RCC1: variants seen among roughly 807,000 people sequenced by gnomAD.
The protein encoded by RCC1 is regulator of chromosome condensation 1.
Under a neutral mutation model 44.4 loss-of-function variants are expected in RCC1, and 11 were observed. The ratio of observed to expected loss-of-function variants is 0.25; its 90% confidence interval spans 0.16 to 0.41. RCC1 has a LOEUF of 0.41. RCC1 is among the 10% of genes least tolerant of loss of function. RCC1 has a pLI of 1.00. For synonymous variants in RCC1, 213 were observed against 216.5 expected, an observed-to-expected ratio of 0.98 and a Z score of 0.14; for missense variants, 386 against 547.1, an observed-to-expected ratio of 0.71 and a Z score of 2.94.
chr1:28,507,953 C>A, intron 1 of RCC1, 175 bp from the exon 2 acceptor site: 1 of 296,816 alleles, frequency 3.4e-6, no homozygotes, highest in East Asian at 9.0e-5. Flanking sequence ...TAAAAAGTAG[C>A]CAGGCATGAT....
chr1:28,520,676 T>A (rs1663212076), intron 4 of RCC1, among the ~76,000 whole-genome samples: 2 of 152,160 alleles, frequency 1.3e-5, no homozygotes, highest in Non-Finnish European at 2.9e-5. Flanking sequence ...CCAGAGACTG[T>A]ATGCTCCTTG....
At chr1:28,533,705 G>A (rs1419571633) in intron 7 of RCC1, among the ~76,000 whole-genome samples, 3 of 139,226 alleles carry the variant, frequency 2.2e-5, no homozygotes, top group Non-Finnish European at 3.1e-5. Context: ...GGGAGGCGGA[G>A]GTTGCAGTGA....
Position 28,508,628 on chromosome 1 carries a change from C to G in RCC1, c.-228-202C>G, listed in dbSNP as rs1476112513. 1.2e-5 allele frequency: 6 copies of G among 518,902 alleles called. No individual in the cohort carries two copies. In the Admixed American group the frequency reaches 1.2e-4, roughly 10 times the overall value. 32.1% of individuals were successfully genotyped at this position (518,902 alleles called of 1,614,324 possible). A position where few individuals can be genotyped will look rare whatever the true frequency, so the allele number is the denominator to read the frequency against. On this transcript the variant is annotated intron_variant, in intron 2 of 12. Coordinates refer to ENST00000683442, the MANE Select transcript of RCC1 (RefSeq NM_001381865.2). ...AAGTGGCATAGGGGAGCTTAGGGCTCTGCCCCATGATGTACAGTCCCTTTC... is the reference window on the plus strand; with the variant it reads ...AAGTGGCATAGGGGAGCTTAGGGCTGTGCCCCATGATGTACAGTCCCTTTC...
chr1:28,516,687 CAATAAT>C (rs148725775), intron 3 of RCC1, 32 bp from the exon 4 acceptor site: 3 of 322,312 alleles, frequency 9.3e-6, no homozygotes, highest in Middle Eastern at 7.5e-4. Context: ...ACAAAATAGG[CAATAAT>C]AATAATAATC....
At position 28,535,423 on chromosome 1, in the gene RCC1, AC is replaced by A. The variant is rs767880320; in HGVS notation, c.661+48del. The A allele has an allele frequency of 2.5e-6, 4 of 1,609,638 alleles. No individual in the cohort carries two copies. The African/African-American group carries it at 4.0e-5, about 16-fold the overall frequency. On this transcript the variant is annotated intron_variant, in intron 9 of 12. Coordinates refer to ENST00000683442, the MANE Select transcript of RCC1 (RefSeq NM_001381865.2). Reference sequence around the variant, plus strand: ...CTCCAGCAGGGCAAATTGGCAGGCCACCCCCACAGTGAAGGCCAAAGGCAGG... The same window carrying A: ...CTCCAGCAGGGCAAATTGGCAGGCCACCCCACAGTGAAGGCCAAAGGCAGG...
chr1:28,527,886 G>A (rs1296218865), intron 4 of RCC1, among the ~76,000 whole-genome samples: 1 of 151,648 alleles, frequency 6.6e-6, no homozygotes, highest in Non-Finnish European at 1.5e-5. Flanking sequence ...GCACATGCCT[G>A]TAATCCTAGC....
intron 7 of RCC1, among the ~76,000 whole-genome samples, chr1:28,533,213 T>C (rs368007683): frequency 3.4e-4 from 52 of 152,136 alleles, no homozygotes; most frequent in African/African-American, 1.3e-3. Context: ...GGCTCATGCC[T>C]GTAATCCCAG....
intron 4 of RCC1, among the ~76,000 whole-genome samples, chr1:28,517,455 A>G (rs538569817): frequency 4.6e-5 from 7 of 152,154 alleles, no homozygotes; most frequent in African/African-American, 1.2e-4. Context: ...ATTTTGTTCT[A>G]TAAGATCTGA....
At position 28,536,412 on chromosome 1, in the gene RCC1, G is replaced by A; in HGVS notation, c.937+31G>A. On this transcript the variant is annotated intron_variant, in intron 11 of 12. Transcript: ENST00000683442. The surrounding 1 kb of genome is among the most constrained non-coding windows in gnomAD (Gnocchi z 4.9). ...GCCTTTACGTCCTTCTCTAGTTTGG[G>A]GGTGGAGTGTTCCCTGGCCTAGGCC... The A allele has an allele frequency of 6.2e-7, 1 of 1,606,990 alleles. No individual in the cohort carries two copies. The highest frequency in any genetic ancestry group is 8.5e-7 in the Non-Finnish European group (1 of 1,177,726).
chr1:28,508,704 A>G (rs372240110), intron 2 of RCC1, 126 bp from the exon 3 acceptor site: 2 of 519,032 alleles, frequency 3.9e-6, no homozygotes, highest in Non-Finnish European at 7.7e-6. Context: ...GCATATTCCT[A>G]CAGCTTCCCA....
At chr1:28,528,429 T>C (rs1410047388) in intron 4 of RCC1, among the ~76,000 whole-genome samples, 1 of 152,180 alleles carries the variant, frequency 6.6e-6, no homozygotes, top group African/African-American at 2.4e-5. Context: ...CACTCTAGCC[T>C]GGGTGACAGA....
In RCC1 at chr1:28,508,157, T is replaced by A. The variant is rs189389144; in HGVS notation, c.-232T>A. The A allele has an allele frequency of 4.5e-6, 2 of 445,390 alleles. No individual in the cohort carries two copies. The highest frequency in any genetic ancestry group is 2.0e-5 in the African/African-American group (1 of 49,916). 27.6% of individuals were successfully genotyped at this position (445,390 alleles called of 1,614,324 possible). On this transcript the variant is annotated 5_prime_UTR_variant, in exon 2 of 13. Transcript: ENST00000683442. ...TGTTAAGGATTCCAAGTAACTCTTA[T>A]TTGGTGAGTAAATCTGCTAATTGTT...
At chr1:28,537,374 G>C (rs576030065) in intron 12 of RCC1, among the ~76,000 whole-genome samples, 2 of 152,290 alleles carry the variant, frequency 1.3e-5, no homozygotes, top group South Asian at 4.1e-4. Context: ...GAGTGGGTGA[G>C]GGGGATAGCC....
At chr1:28,530,396 T>C in intron 5 of RCC1, 1 of 752,590 alleles carries the variant, frequency 1.3e-6, no homozygotes, top group Non-Finnish European at 2.2e-6. Context: ...CTGGCAGCAT[T>C]TGAGGGAGGT....
At position 28,538,307 on chromosome 1, in the gene RCC1, G is replaced by C. The variant is rs1479409439; in HGVS notation, c.*300G>C. 2 of 208,656 alleles carry C rather than the reference G, an allele frequency of 9.6e-6. No individual in the cohort carries two copies. The highest frequency in any genetic ancestry group is 4.6e-5 in the African/African-American group (2 of 43,194). The allele number at this position is 208,656 out of a possible 1,614,324, so 12.9% of individuals were successfully genotyped here. The stretch of plus-strand genomic sequence containing the variant: ...TTCCCTACCTTCCATGGTCCTGGTT[G>C]GCCCTGGCTTTGCCTACTAGAAAAC... On this transcript the variant is annotated 3_prime_UTR_variant, in exon 13 of 13. Transcript: ENST00000683442.
intron 4 of RCC1, chr1:28,527,280 C>T: frequency 1.6e-6 from 1 of 626,076 alleles, no homozygotes; most frequent in Non-Finnish European, 2.9e-6. Context: ...GTCTCTTTCG[C>T]CCAGGCTAAA....
chr1:28,526,144 A>G (rs1663645560), intron 4 of RCC1, among the ~76,000 whole-genome samples: 1 of 152,058 alleles, frequency 6.6e-6, no homozygotes, highest in African/African-American at 2.4e-5. Context: ...AATTAGCTGG[A>G]CACTGTGATG....
At chr1:28,530,174 A>C (rs552788583) in intron 5 of RCC1, among the ~76,000 whole-genome samples, 153 of 151,908 alleles carry the variant, frequency 1.0e-3, no homozygotes, top group Non-Finnish European at 1.9e-3. Flanking sequence ...AAAAAAAAAA[A>C]AACTAGACCC....
rs1335606835 is a variant in RCC1, at chr1:28,538,176, C to A, written c.*169C>A. The A allele has an allele frequency of 1.7e-6, 1 of 601,356 alleles. No homozygotes were observed. Among genetic ancestry groups the A allele is most frequent in the Non-Finnish European group, 2.8e-6 (1 of 362,522 alleles). 37.3% of individuals were successfully genotyped at this position (601,356 alleles called of 1,614,324 possible). ...TCCTTTTCCTCTTTTCCTTCCTCCT[C>A]TTTGGAATTTTCCTGGGACCTACAG... On this transcript the variant is annotated 3_prime_UTR_variant, in exon 13 of 13. Transcript: ENST00000683442.
Sources: allele counts gnomAD v4.1 joint callset (sites outside exome capture counted in the v4.1 genomes callset), GRCh38; gene constraint gnomAD v4.1.1; non-coding constraint Gnocchi (gnomAD v3.1); transcripts MANE v1.5; gene names NCBI Gene and HGNC (gene_info 2026-07-23, HGNC 2026-07-21).